Variants in SAP130 observed in about 807,000 individuals in gnomAD.
SAP130 encodes histone deacetylase complex subunit SAP130.
Under a neutral mutation model 103.2 loss-of-function variants are expected in SAP130, and 16 were observed. The observed-to-expected ratio is 0.16, with a 90% CI of 0.10 to 0.24. The LOEUF (loss-of-function observed/expected upper bound fraction) is 0.24. Among genes scored for constraint, SAP130 ranks in the 10% least tolerant of loss-of-function variants. The pLI is 1.00. For synonymous variants in SAP130, 477 were observed against 497.0 expected (o/e 0.96, Z 0.53); for missense variants, 990 against 1,359.7 (o/e 0.73, Z 4.28).
At chr2:127,956,033 GT>G (rs367902577) in intron 15 of SAP130, among the ~76,000 whole-genome samples, 5 of 150,824 alleles carry the variant, frequency 3.3e-5, no homozygotes, top group African/African-American at 9.7e-5. Context: ...TTATTTTTCT[GT>G]TTTTTTTTCT....
rs1167665098 is a variant in SAP130 at position 127,989,766 on chromosome 2, T to C, written c.1578A>G (p.Ala526=). 3 of 1,614,226 alleles carry C rather than the reference T, an allele frequency of 1.9e-6. No individual in the cohort carries two copies. Among genetic ancestry groups the C allele is most frequent in the Non-Finnish European group, 1.7e-6 (2 of 1,180,036 alleles). Residue 526 remains alanine (A), a synonymous_variant, in exon 13 of 21, where the codon GCA becomes GCG. Transcript: ENST00000643581. This position sits in a 1 kb window ranked among gnomAD's most constrained non-coding sequence, Gnocchi z 4.6. ...TCCCTTGAATATGTCGAGCATGCGATGCATCCACTGTCATCAACTGCATGG... is the reference window on the plus strand; with the variant it reads ...TCCCTTGAATATGTCGAGCATGCGACGCATCCACTGTCATCAACTGCATGG... ...LNPMQLMTVD[A]SHARHIQGIQ...
At chr2:128,021,403 C>T (rs1472591753) in intron 2 of SAP130, among the ~76,000 whole-genome samples, 2 of 148,946 alleles carry the variant, frequency 1.3e-5, no homozygotes, top group Non-Finnish European at 3.0e-5. Flanking sequence ...GTCGAGATCG[C>T]GCCACTGCAC....
rs1339937854 is a variant in SAP130 at position 127,955,736 on chromosome 2, C to T, written c.2064-392G>A. On this transcript the variant is annotated intron_variant, in intron 15 of 20. Transcript: ENST00000643581. The surrounding 1 kb of genome is among the most constrained non-coding windows in gnomAD (Gnocchi z 4.9). ...CTCCTGAACTCAAGTGATCCGCCTGCCTCGGCCTCCCAAAGTGATGGGATT... is the reference window on the plus strand; with the variant it reads ...CTCCTGAACTCAAGTGATCCGCCTGTCTCGGCCTCCCAAAGTGATGGGATT... 2.0e-5 allele frequency among the ~76,000 whole-genome samples: 3 copies of T among 152,160 alleles called. No homozygotes were observed. Among genetic ancestry groups the T allele is most frequent in the Non-Finnish European group, 4.4e-5 (3 of 68,036 alleles).
intron 10 of SAP130, among the ~76,000 whole-genome samples, chr2:127,997,931 T>C (rs900814247): frequency 1.3e-5 from 2 of 152,058 alleles, no homozygotes; most frequent in East Asian, 1.9e-4. Flanking sequence ...CTGGCCAACA[T>C]GGTGAAACCC....
chr2:127,948,588 C>T (rs144167733), intron 18 of SAP130, among the ~76,000 whole-genome samples: 12 of 151,754 alleles, frequency 7.9e-5, no homozygotes, highest in South Asian at 6.2e-4. Flanking sequence ...GTGATCCGCC[C>T]GCCTCGGCCT....
At chr2:127,972,190 C>T (rs1162869058) in intron 15 of SAP130, among the ~76,000 whole-genome samples, 1 of 152,236 alleles carries the variant, frequency 6.6e-6, no homozygotes, top group Non-Finnish European at 1.5e-5. Context: ...AAAAGAGACC[C>T]TGCTCACCCT....
intron 14 of SAP130, among the ~76,000 whole-genome samples, chr2:127,981,945 C>A (rs1232288023): frequency 2.6e-5 from 4 of 152,218 alleles, no homozygotes; most frequent in African/African-American, 9.7e-5. Flanking sequence ...AGCCAAGCAG[C>A]TCAATAAAGC....
chr2:127,959,869 T>G (rs2104792692), intron 15 of SAP130, among the ~76,000 whole-genome samples: 1 of 151,876 alleles, frequency 6.6e-6, no homozygotes, highest in South Asian at 2.1e-4. Context: ...CAAATAGAAA[T>G]TAAAGAAATA....
intron 12 of SAP130, among the ~76,000 whole-genome samples, chr2:127,990,681 C>T (rs1003283407): frequency 6.6e-6 from 1 of 152,122 alleles, no homozygotes; most frequent in Non-Finnish European, 1.5e-5. Flanking sequence ...TGATTTGTAC[C>T]GATGATCCCA....
At chr2:127,987,145 C>G (rs780332794) in intron 13 of SAP130, among the ~76,000 whole-genome samples, 183 bp from the exon 14 acceptor site, 1 of 152,212 alleles carries the variant, frequency 6.6e-6, no homozygotes, top group Non-Finnish European at 1.5e-5. Flanking sequence ...TAAATGGGAG[C>G]AGTTACTAAG....
In SAP130 at chr2:127,970,332, G is replaced by C. The variant is rs186628009; in HGVS notation, c.2063+7653C>G. On this transcript the variant is annotated intron_variant, in intron 15 of 20. Coordinates refer to ENST00000643581, the MANE Select transcript of SAP130 (RefSeq NM_001330301.2). ...CCGAGGCGGAGGGATCATGAGATCA[G>C]GAGATCAAGACCATCCTGGCCAACA... Among the ~76,000 whole-genome samples, 237 of 143,370 alleles carry C rather than the reference G, an allele frequency of 1.7e-3. 1 individual carries two copies. The highest frequency in any genetic ancestry group is 9.0e-3 in the Middle Eastern group (2 of 222). The allele number at this position is 143,370 out of a possible 152,430, so 94.1% of individuals were successfully genotyped here.
At chr2:128,027,320 C>CCGCCCGCCCATTGGCCCCA in intron 1 of SAP130, 1 of 1,157,666 alleles carries the variant, frequency 8.6e-7, no homozygotes, top group East Asian at 4.1e-5. Flanking sequence ...CCTGCCTCCC[C>CCGCCCGCCCATTGGCCCCA]CGCCCGCCCA....
At chr2:128,026,509 C>T (rs1338376166) in intron 1 of SAP130, among the ~76,000 whole-genome samples, 1 of 152,182 alleles carries the variant, frequency 6.6e-6, no homozygotes, top group Non-Finnish European at 1.5e-5. Context: ...ACGGAGCTGG[C>T]GGGTACTATG....
At chr2:127,963,502 A>T (rs1170353622) in intron 15 of SAP130, among the ~76,000 whole-genome samples, 1 of 152,204 alleles carries the variant, frequency 6.6e-6, no homozygotes, top group Non-Finnish European at 1.5e-5. Context: ...AATTACTGGG[A>T]TTACAGGTGT....
At chr2:128,027,176 G>A in intron 1 of SAP130, 2 of 1,253,106 alleles carry the variant, frequency 1.6e-6, no homozygotes, top group East Asian at 6.4e-5. Flanking sequence ...CGGCGGCGGC[G>A]ATGTGCTCGG....
At chr2:127,963,901 T>C (rs199719002) in intron 15 of SAP130, among the ~76,000 whole-genome samples, 2 of 152,256 alleles carry the variant, frequency 1.3e-5, no homozygotes, top group East Asian at 3.8e-4. Flanking sequence ...ATTATTTGCA[T>C]AGAACTACGT....
chr2:127,973,702 T>C (rs1681253264), intron 15 of SAP130, among the ~76,000 whole-genome samples: 2 of 152,322 alleles, frequency 1.3e-5, no homozygotes, highest in Non-Finnish European at 2.9e-5. Context: ...GAGCTATCCT[T>C]GACTCCTCTC....
intron 15 of SAP130, among the ~76,000 whole-genome samples, chr2:127,956,406 G>T (rs2104767224): frequency 6.6e-6 from 1 of 152,262 alleles, no homozygotes; most frequent in South Asian, 2.1e-4. Context: ...GAACTAGCTG[G>T]TCAGAAGAAC....
chr2:127,949,118 TAGTC>T (rs1336562372), intron 18 of SAP130, among the ~76,000 whole-genome samples: 2 of 152,196 alleles, frequency 1.3e-5, no homozygotes, highest in East Asian at 1.9e-4. Context: ...TCTGCTTACT[TAGTC>T]AGTACTCCAT....
Sources: allele counts gnomAD v4.1 joint callset (sites outside exome capture counted in the v4.1 genomes callset), GRCh38; gene constraint gnomAD v4.1.1; non-coding constraint Gnocchi (gnomAD v3.1); transcripts MANE v1.5; gene names NCBI Gene and HGNC (gene_info 2026-07-23, HGNC 2026-07-21).